PCCB: variants seen among roughly 807,000 people sequenced by gnomAD.
The protein encoded by PCCB is propionyl-CoA carboxylase beta chain, mitochondrial.
Under a neutral mutation model 60.7 loss-of-function variants are expected in PCCB, and 43 were observed. That is an observed-to-expected ratio of 0.71 (90% CI 0.55 to 0.91). The LOEUF is 0.91. PCCB is among the 40% of genes least tolerant of loss of function. PCCB has a pLI of 0.00. For synonymous variants in PCCB, 276 were observed against 255.9 expected (o/e 1.08, Z -0.75); for missense variants, 766 against 702.8 (o/e 1.09, Z -1.02).
rs148420373 is a variant in PCCB, at chr3:136,319,453, A to G, written c.1090+2389A>G. Among the ~76,000 whole-genome samples, 246 of 151,454 alleles carry G rather than the reference A, an allele frequency of 1.6e-3. 1 individual carries two copies. Among genetic ancestry groups the G allele is most frequent in the African/African-American group, 5.7e-3 (233 of 41,174 alleles). On this transcript the variant is annotated intron_variant, in intron 10 of 14. Transcript: ENST00000251654. Reference sequence around the variant, plus strand: ...TGTCTCCAGCCCGGGCTGGAGTGCAATGGTACGATCTCGGCTTATTGCAAT... The same window carrying G: ...TGTCTCCAGCCCGGGCTGGAGTGCAGTGGTACGATCTCGGCTTATTGCAAT...
chr3:136,316,166 G>T (rs1393603793), intron 9 of PCCB, among the ~76,000 whole-genome samples: 1 of 151,380 alleles, frequency 6.6e-6, no homozygotes, highest in Admixed American at 6.6e-5. Flanking sequence ...GCTGCAGTGA[G>T]CCATAATTGC....
chr3:136,318,976 T>C (rs910678899), intron 10 of PCCB, among the ~76,000 whole-genome samples: 4 of 152,210 alleles, frequency 2.6e-5, no homozygotes, highest in African/African-American at 7.2e-5. Flanking sequence ...GTTTAACTTT[T>C]TGGGGAAACA....
At chr3:136,301,749 G>C (rs1418861267) in intron 9 of PCCB, among the ~76,000 whole-genome samples, 5 of 152,006 alleles carry the variant, frequency 3.3e-5, no homozygotes, top group Admixed American at 3.3e-4. Flanking sequence ...CTCTTCCCTA[G>C]GGTTTGCTGT....
At chr3:136,255,709 C>A in intron 1 of PCCB, 147 bp from the exon 2 acceptor site, 2 of 752,950 alleles carry the variant, frequency 2.7e-6, no homozygotes, top group East Asian at 2.5e-5. Flanking sequence ...TAACACCTAT[C>A]TGCCTTGGGC....
In PCCB at chr3:136,300,170, G is replaced by GTATAAC. The variant is rs1187121309; in HGVS notation, c.885-856_885-855insACTATA. 4.0e-3 allele frequency among the ~76,000 whole-genome samples: 251 copies of GTATAAC among 62,810 alleles called. 1 individual carries two copies. The highest frequency in any genetic ancestry group is 0.024 in the African/African-American group (211 of 8,790). 41.2% of individuals were successfully genotyped at this position (62,810 alleles called of 152,430 possible). On this transcript the variant is annotated intron_variant, in intron 8 of 14. Coordinates refer to ENST00000251654, the MANE Select transcript of PCCB (RefSeq NM_000532.5). Reference sequence around the variant, plus strand: ...TGTTCACATACATATATACACATATGTATATGTGTATATATGTATGACAAG... The same window carrying GTATAAC: ...TGTTCACATACATATATACACATATGTATAACTATATGTGTATATATGTATGACAAG...
At chr3:136,297,389 A>T (rs937639306) in intron 7 of PCCB, among the ~76,000 whole-genome samples, 1 of 152,154 alleles carries the variant, frequency 6.6e-6, no homozygotes, top group Admixed American at 6.5e-5. Context: ...CATCATACCT[A>T]TGGCCTTGTT....
At chr3:136,282,385 A>T (rs973023412) in intron 5 of PCCB, among the ~76,000 whole-genome samples, 1 of 152,124 alleles carries the variant, frequency 6.6e-6, no homozygotes, top group African/African-American at 2.4e-5. Flanking sequence ...CTCTTCTGTG[A>T]TGTCACTCAG....
chr3:136,291,810 G>C (rs1933706419), intron 6 of PCCB, among the ~76,000 whole-genome samples: 1 of 152,164 alleles, frequency 6.6e-6, no homozygotes, highest in South Asian at 2.1e-4. Context: ...ATGCATGTCA[G>C]AAGCATGAGG....
intron 10 of PCCB, among the ~76,000 whole-genome samples, chr3:136,320,658 G>A (rs1484836969): frequency 1.3e-5 from 2 of 152,128 alleles, no homozygotes; most frequent in African/African-American, 4.8e-5. Context: ...TCACCTTTTA[G>A]TTGTGAATAA....
intron 9 of PCCB, among the ~76,000 whole-genome samples, chr3:136,313,628 T>C (rs1934758258): frequency 6.6e-6 from 1 of 152,194 alleles, no homozygotes; most frequent in Non-Finnish European, 1.5e-5. Flanking sequence ...TAAACTGTAT[T>C]AGTATTTTAC....
At chr3:136,290,058 GCTA>G (rs1167111443) in intron 6 of PCCB, among the ~76,000 whole-genome samples, 2 of 152,028 alleles carry the variant, frequency 1.3e-5, no homozygotes, top group Admixed American at 1.3e-4. Context: ...TTGAATTTTT[GCTA>G]CTATTAATTT....
intron 7 of PCCB, 73 bp from the exon 8 acceptor site, chr3:136,297,879 A>C: frequency 6.3e-7 from 1 of 1,575,986 alleles, no homozygotes; most frequent in Non-Finnish European, 8.7e-7. Flanking sequence ...AGAAGGGCGC[A>C]GTCAGGCATG....
chr3:136,326,274 T>G (rs1316492451), intron 10 of PCCB: 1 of 698,808 alleles, frequency 1.4e-6, no homozygotes, highest in Non-Finnish European at 2.6e-6. Flanking sequence ...GAAACTCTTC[T>G]AGGAGGGGAG....
chr3:136,256,760 T>C, intron 3 of PCCB, 137 bp downstream of exon 3: 1 of 721,432 alleles, frequency 1.4e-6, no homozygotes. Flanking sequence ...TGCTTTTCAG[T>C]GCGTGTTTCC....
At chr3:136,276,051 G>A (rs530578771) in intron 5 of PCCB, among the ~76,000 whole-genome samples, 28 of 152,160 alleles carry the variant, frequency 1.8e-4, no homozygotes, top group Admixed American at 5.2e-4. Flanking sequence ...GATTACAGGC[G>A]TGAGCCACTG....
chr3:136,287,158 A>G (rs549719408), intron 6 of PCCB, among the ~76,000 whole-genome samples: 1 of 152,178 alleles, frequency 6.6e-6, no homozygotes, highest in South Asian at 2.1e-4. Flanking sequence ...ATTAATAATA[A>G]TTCTTTATTG....
chr3:136,293,189 G>T (rs1933776834), intron 6 of PCCB, among the ~76,000 whole-genome samples: 1 of 152,138 alleles, frequency 6.6e-6, no homozygotes, highest in African/African-American at 2.4e-5. Context: ...TTTTTATGGA[G>T]ACTGGGTCTC....
chr3:136,292,296 T>C (rs1933731358), intron 6 of PCCB, among the ~76,000 whole-genome samples: 1 of 151,930 alleles, frequency 6.6e-6, no homozygotes, highest in Non-Finnish European at 1.5e-5. Context: ...TAGAAGTCTG[T>C]GTGAAGTGGG....
chr3:136,318,431 T>G (rs1018894165), intron 10 of PCCB, among the ~76,000 whole-genome samples: 1 of 152,192 alleles, frequency 6.6e-6, no homozygotes, highest in African/African-American at 2.4e-5. Flanking sequence ...AAAATATGTC[T>G]GTTTGGCCCA....
Sources: allele counts gnomAD v4.1 joint callset (sites outside exome capture counted in the v4.1 genomes callset), GRCh38; gene constraint gnomAD v4.1.1; transcripts MANE v1.5; gene names NCBI Gene and HGNC (gene_info 2026-07-23, HGNC 2026-07-21).